Variants in SUPT3H observed in about 807,000 individuals in gnomAD.
SUPT3H encodes the protein transcription initiation protein SPT3 homolog.
Under a neutral mutation model 44.3 loss-of-function variants are expected in SUPT3H, and 44 were observed. The ratio of observed to expected loss-of-function variants is 0.99; its 90% CI spans 0.78 to 1.28. The LOEUF (loss-of-function observed/expected upper bound fraction) is 1.28. Ranked by LOEUF, SUPT3H falls within the 50% of genes most tolerant of loss-of-function variation. The pLI is 0.00. For missense variants in SUPT3H, 380 were observed against 387.1 expected, an observed-to-expected ratio of 0.98 and a Z score of 0.15; for synonymous variants, 124 against 125.6, an observed-to-expected ratio of 0.99 and a Z score of 0.09.
intron 2 of SUPT3H, among the ~76,000 whole-genome samples, chr6:45,122,494 T>C (rs976940100): frequency 1.1e-4 from 17 of 152,216 alleles, no homozygotes; most frequent in African/African-American, 4.1e-4. Flanking sequence ...TTTAAGCTAT[T>C]TGCTAGCAAA....
chr6:44,987,770 T>C (rs1476438869), intron 6 of SUPT3H, among the ~76,000 whole-genome samples: 1 of 152,112 alleles, frequency 6.6e-6, no homozygotes, highest in East Asian at 1.9e-4. Context: ...GGTGCTCTGG[T>C]AGCGTGTGAA....
At chr6:44,910,745 G>A (rs1319591230) in intron 10 of SUPT3H, among the ~76,000 whole-genome samples, 1 of 150,762 alleles carries the variant, frequency 6.6e-6, no homozygotes, top group Non-Finnish European at 1.5e-5. Context: ...TGTAACCCCA[G>A]CACTTTATGA....
intron 6 of SUPT3H, among the ~76,000 whole-genome samples, chr6:44,982,988 C>T (rs1461109402): frequency 6.6e-6 from 1 of 152,012 alleles, no homozygotes; most frequent in Non-Finnish European, 1.5e-5. Context: ...CACATAGAGG[C>T]TAAATATTAA....
At chr6:44,997,994 T>C (rs549138051) in intron 6 of SUPT3H, among the ~76,000 whole-genome samples, 1 of 152,028 alleles carries the variant, frequency 6.6e-6, no homozygotes, top group African/African-American at 2.4e-5. Flanking sequence ...CCTACTCAGT[T>C]GTGATACATT....
intron 2 of SUPT3H, among the ~76,000 whole-genome samples, chr6:45,168,748 A>G (rs184795315): frequency 6.6e-6 from 1 of 152,344 alleles, no homozygotes; most frequent in East Asian, 1.9e-4. Context: ...CACTGTGAGC[A>G]ATGGGAGGTA....
At chr6:44,836,911 A>T (rs1263929068) in intron 10 of SUPT3H, among the ~76,000 whole-genome samples, 1 of 152,228 alleles carries the variant, frequency 6.6e-6, no homozygotes, top group Non-Finnish European at 1.5e-5. Flanking sequence ...CAATAATATT[A>T]AACTTGTCTT....
At chr6:44,930,312 C>T (rs1387123886) in intron 10 of SUPT3H, among the ~76,000 whole-genome samples, 3 of 151,238 alleles carry the variant, frequency 2.0e-5, no homozygotes, top group East Asian at 2.0e-4. Flanking sequence ...ATCCGGGAGG[C>T]GGAGCTTGCA....
chr6:45,335,366 T>C (rs1474432799), intron 2 of SUPT3H, among the ~76,000 whole-genome samples: 2 of 151,270 alleles, frequency 1.3e-5, no homozygotes, highest in East Asian at 3.9e-4. Context: ...TAATATGGTA[T>C]TACATTTTAC....
chr6:45,028,201 G>C (rs754214332), intron 3 of SUPT3H, among the ~76,000 whole-genome samples: 13 of 152,166 alleles, frequency 8.5e-5, no homozygotes, highest in Admixed American at 2.0e-4. Flanking sequence ...TAATACTGGA[G>C]ATCATTTTAT....
chr6:45,015,069 T>C (rs1784047838), intron 4 of SUPT3H, among the ~76,000 whole-genome samples, 178 bp from the exon 5 acceptor site: 1 of 152,156 alleles, frequency 6.6e-6, no homozygotes, highest in Non-Finnish European at 1.5e-5. Context: ...AAGGCTAAAA[T>C]ACAAGTCTTT....
chr6:45,239,895 A>T (rs2153645913), intron 2 of SUPT3H, among the ~76,000 whole-genome samples: 2 of 152,352 alleles, frequency 1.3e-5, no homozygotes, highest in Middle Eastern at 6.8e-3. Flanking sequence ...AACACCCCAT[A>T]TGCAACTTAA....
intron 10 of SUPT3H, among the ~76,000 whole-genome samples, chr6:44,858,416 T>C (rs1171604942): frequency 6.6e-6 from 1 of 152,204 alleles, no homozygotes; most frequent in African/African-American, 2.4e-5. Context: ...ACCACCTCCA[T>C]TTTACGGATG....
At chr6:44,883,903 A>T (rs748498526) in intron 10 of SUPT3H, among the ~76,000 whole-genome samples, 2 of 152,192 alleles carry the variant, frequency 1.3e-5, no homozygotes, top group Non-Finnish European at 2.9e-5. Flanking sequence ...ATAAGACCTA[A>T]AACCATAAAA....
intron 2 of SUPT3H, among the ~76,000 whole-genome samples, chr6:45,364,415 A>T (rs1356450598): frequency 6.6e-6 from 1 of 152,200 alleles, no homozygotes; most frequent in African/African-American, 2.4e-5. Context: ...AACCTTCAAC[A>T]GATATATTCT....
intron 10 of SUPT3H, among the ~76,000 whole-genome samples, chr6:44,867,077 T>A (rs767504905): frequency 6.6e-6 from 1 of 152,196 alleles, no homozygotes; most frequent in Non-Finnish European, 1.5e-5. Context: ...ACAGCCACTA[T>A]GATTACTGAA....
intron 3 of SUPT3H, among the ~76,000 whole-genome samples, chr6:45,060,042 T>C (rs1791741241): frequency 1.3e-5 from 2 of 152,060 alleles, no homozygotes; most frequent in Admixed American, 6.5e-5. Context: ...ATGAATTCAA[T>C]GCTATTCCCA....
intron 10 of SUPT3H, among the ~76,000 whole-genome samples, chr6:44,920,784 C>G (rs181311755): frequency 6.6e-6 from 1 of 152,158 alleles, no homozygotes; most frequent in South Asian, 2.1e-4. Flanking sequence ...TTCATCTCAT[C>G]TCAACGTACT....
chr6:45,278,084 G>A (rs1383016579), intron 2 of SUPT3H, among the ~76,000 whole-genome samples: 1 of 150,736 alleles, frequency 6.6e-6, no homozygotes, highest in Non-Finnish European at 1.5e-5. Context: ...AATAACACAT[G>A]GACACAGCGA....
At chr6:45,253,872 T>TACAC (rs1554302261) in intron 2 of SUPT3H, among the ~76,000 whole-genome samples, 6 of 124,094 alleles carry the variant, frequency 4.8e-5, no homozygotes, top group African/African-American at 1.4e-4. Context: ...TATATATATA[T>TACAC]ACACACACAC....
Sources: allele counts gnomAD v4.1 joint callset (sites outside exome capture counted in the v4.1 genomes callset), GRCh38; gene constraint gnomAD v4.1.1; transcripts MANE v1.5; gene names NCBI Gene and HGNC (gene_info 2026-07-23, HGNC 2026-07-21).